Variants in SGCD observed in about 807,000 individuals in gnomAD.
SGCD encodes sarcoglycan delta, also known as delta-sarcoglycan.
SGCD carries 18 observed loss-of-function variants against 36.6 expected under a neutral mutation model. The observed-to-expected ratio is 0.49, with a 90% CI of 0.34 to 0.73. The LOEUF (loss-of-function observed/expected upper bound fraction) is 0.73, where lower values mean the gene tolerates loss of function less well. Among genes scored for constraint, SGCD ranks in the 30% least tolerant of loss-of-function variants. The pLI is 0.01. For synonymous variants in SGCD, 133 were observed against 130.6 expected, an observed-to-expected ratio of 1.02 and a Z score of -0.12; for missense variants, 387 against 346.7, an observed-to-expected ratio of 1.12 and a Z score of -0.92.
At chr5:156,550,760 G>A (rs1758761463) in intron 4 of SGCD, among the ~76,000 whole-genome samples, 1 of 152,162 alleles carries the variant, frequency 6.6e-6, no homozygotes, top group South Asian at 2.1e-4. Flanking sequence ...ACCTGGTTGA[G>A]AACTGTTCCT....
chr5:156,602,022 G>C (rs921182729), intron 6 of SGCD, among the ~76,000 whole-genome samples: 5 of 152,150 alleles, frequency 3.3e-5, no homozygotes, highest in Non-Finnish European at 5.9e-5. Context: ...TAAATCGGTA[G>C]AATGTTTTGG....
chr5:155,805,495 G>T, the SGCD span, among the ~76,000 whole-genome samples: 1 of 152,166 alleles, frequency 6.6e-6, no homozygotes, highest in Non-Finnish European at 1.5e-5. Flanking sequence ...AATATTCTGG[G>T]ATGGAATATT....
chr5:156,239,989 C>G (rs1369168395), intron 3 of SGCD, among the ~76,000 whole-genome samples: 3 of 152,114 alleles, frequency 2.0e-5, no homozygotes, highest in Admixed American at 6.5e-5. Flanking sequence ...GGGTCAAAGT[C>G]CCAAATAGGT....
At chr5:155,811,710 T>C in the SGCD span, among the ~76,000 whole-genome samples, 1 of 152,126 alleles carries the variant, frequency 6.6e-6, no homozygotes, top group Admixed American at 6.5e-5. Context: ...ACACACAAGA[T>C]AGTGAAAGCT....
the SGCD span, among the ~76,000 whole-genome samples, chr5:155,785,601 G>A: frequency 6.6e-6 from 1 of 152,018 alleles, no homozygotes; most frequent in Non-Finnish European, 1.5e-5. Context: ...AGTTTTAAAA[G>A]CACAAATTCA....
chr5:156,039,695 G>C (rs888177573), intron 1 of SGCD, among the ~76,000 whole-genome samples: 3 of 152,148 alleles, frequency 2.0e-5, no homozygotes, highest in Non-Finnish European at 4.4e-5. Context: ...TCTCATTTCA[G>C]CTTTTATACC....
Position 156,525,354 on chromosome 5 carries a change from G to C in SGCD, c.294+16652G>C, listed in dbSNP as rs117739503. On this transcript the variant is annotated intron_variant, in intron 4 of 8. Coordinates refer to ENST00000337851, the MANE Select transcript of SGCD (RefSeq NM_000337.6). The stretch of plus-strand genomic sequence containing the variant: ...CTGAACACCTTTTCATATACCTGTT[G>C]GTCAGTTGTATGTCTTCTTTGGAAA... 8.6e-4 allele frequency among the ~76,000 whole-genome samples: 131 copies of C among 152,096 alleles called. 1 individual carries two copies. The East Asian group carries it at 0.024, about 28-fold the overall frequency.
intron 7 of SGCD, among the ~76,000 whole-genome samples, chr5:156,678,505 T>C (rs958319044): frequency 6.6e-6 from 1 of 152,202 alleles, no homozygotes; most frequent in Non-Finnish European, 1.5e-5. Context: ...CACAGCAAAC[T>C]GCAGGGTGCT....
chr5:156,444,446 G>A (rs533888759), intron 3 of SGCD, among the ~76,000 whole-genome samples: 3 of 152,114 alleles, frequency 2.0e-5, no homozygotes, highest in Non-Finnish European at 2.9e-5. Context: ...TCAGGAGGCA[G>A]TTTGCACTTT....
the SGCD span, among the ~76,000 whole-genome samples, chr5:155,778,223 T>C: frequency 5.3e-5 from 8 of 152,184 alleles, no homozygotes; most frequent in Non-Finnish European, 1.2e-4. Context: ...ATTTGAAGTG[T>C]ATGTTTTGTG....
At chr5:156,744,513 A>G (rs1184574195) in intron 7 of SGCD, among the ~76,000 whole-genome samples, 1 of 152,172 alleles carries the variant, frequency 6.6e-6, no homozygotes, top group Non-Finnish European at 1.5e-5. Context: ...CCAGTTCATC[A>G]TCATTCTCCC....
At chr5:156,336,657 T>C (rs1768372110) in intron 2 of SGCD, among the ~76,000 whole-genome samples, 1 of 152,242 alleles carries the variant, frequency 6.6e-6, no homozygotes, top group Non-Finnish European at 1.5e-5. Flanking sequence ...GCATATGCAC[T>C]GAACATCTAT....
intron 1 of SGCD, among the ~76,000 whole-genome samples, chr5:156,001,222 G>C (rs888697629): frequency 3.3e-5 from 5 of 152,130 alleles, no homozygotes; most frequent in African/African-American, 1.2e-4. Flanking sequence ...CCCACGTTCT[G>C]CATTTAGATC....
chr5:155,803,953 A>G, the SGCD span, among the ~76,000 whole-genome samples: 2 of 152,184 alleles, frequency 1.3e-5, no homozygotes, highest in Non-Finnish European at 2.9e-5. Flanking sequence ...TGGTGATTTT[A>G]TGTAATACAG....
intron 3 of SGCD, among the ~76,000 whole-genome samples, chr5:156,461,103 G>A (rs1273433828): frequency 3.3e-5 from 5 of 152,120 alleles, no homozygotes; most frequent in African/African-American, 1.2e-4. Context: ...TCTTAAACCA[G>A]GAGTACCTTT....
At chr5:155,809,783 G>A in the SGCD span, among the ~76,000 whole-genome samples, 4 of 152,206 alleles carry the variant, frequency 2.6e-5, no homozygotes, top group African/African-American at 7.2e-5. Flanking sequence ...CATCAAATAC[G>A]CCTAAACCTT....
rs539729686 is a variant in SGCD at position 156,522,108 on chromosome 5, C to T, written c.294+13406C>T. Among the ~76,000 whole-genome samples, 16 of 152,228 alleles carry T rather than the reference C, an allele frequency of 1.1e-4. No homozygotes were observed. The South Asian group carries it at 1.9e-3, about 18-fold the overall frequency. On this transcript the variant is annotated intron_variant, in intron 4 of 8. Transcript: ENST00000337851. ...ACTATCACAAGGACAGAAAACCAAA[C>T]ACCGCATGTTCTCACTTGTGTGGGA...
In SGCD at chr5:156,446,085, G is replaced by A. The variant is rs370759366; in HGVS notation, c.193-62516G>A. The stretch of plus-strand genomic sequence containing the variant: ...TCAGTGCCTGGCATGTGGTTGGTGC[G>A]AAAGCCACTTGCTGAATAGACAAAA... On this transcript the variant is annotated intron_variant, in intron 3 of 8. Transcript: ENST00000337851. Among the ~76,000 whole-genome samples the A allele has an allele frequency of 7.8e-4, 119 of 152,160 alleles. 3 individuals carry two copies. In the South Asian group the frequency reaches 0.024, roughly 30 times the overall value.
chr5:155,783,278 A>C, the SGCD span, among the ~76,000 whole-genome samples: 1 of 152,188 alleles, frequency 6.6e-6, no homozygotes, highest in Non-Finnish European at 1.5e-5. Flanking sequence ...CTTTACAAAG[A>C]AGGACGAATG....
Sources: gnomAD v4.1 joint callset for allele counts (sites outside exome capture counted in the v4.1 genomes callset) on GRCh38, gnomAD v4.1.1 for gene constraint, MANE v1.5 for transcripts, NCBI Gene and HGNC (gene_info 2026-07-23, HGNC 2026-07-21) for gene names.